NUMB: variants seen among roughly 807,000 people sequenced by gnomAD.
The protein encoded by NUMB is protein numb homolog.
NUMB carries 29 observed loss-of-function variants against 59.7 expected under a neutral mutation model. The ratio of observed to expected loss-of-function variants is 0.49; its 90% confidence interval spans 0.36 to 0.66. NUMB has a LOEUF of 0.66. NUMB is among the 30% of genes least tolerant of loss of function. The probability of loss-of-function intolerance (pLI) is 0.00; values close to 1 mark genes in which losing one functional copy is unlikely to be tolerated. For synonymous variants in NUMB, 288 were observed against 288.2 expected, an observed-to-expected ratio of 1.00 and a Z score of 0.01; for missense variants, 723 against 822.0, an observed-to-expected ratio of 0.88 and a Z score of 1.47.
At chr14:73,289,884 T>C (rs1889278107) in intron 8 of NUMB, among the ~76,000 whole-genome samples, 2 of 152,214 alleles carry the variant, frequency 1.3e-5, no homozygotes, top group Admixed American at 6.5e-5. Flanking sequence ...TTGCTTATTC[T>C]TTCTCCTAGG....
intron 1 of NUMB, among the ~76,000 whole-genome samples, chr14:73,456,419 T>C (rs1362568655): frequency 6.6e-6 from 1 of 152,206 alleles, no homozygotes; most frequent in Non-Finnish European, 1.5e-5. Flanking sequence ...TTTCAGACTT[T>C]TTTAACTGTA....
chr14:73,288,582 G>A (rs148730665), intron 8 of NUMB, among the ~76,000 whole-genome samples: 22 of 139,900 alleles, frequency 1.6e-4, no homozygotes, highest in African/African-American at 2.7e-4. Context: ...AATAAAGGCC[G>A]GGCACAGTGG....
At chr14:73,313,264 G>C (rs1270180935) in intron 6 of NUMB, among the ~76,000 whole-genome samples, 1 of 151,618 alleles carries the variant, frequency 6.6e-6, no homozygotes, top group Non-Finnish European at 1.5e-5. Context: ...GTGCTGGCTG[G>C]AGCCACCGCG....
chr14:73,450,774 G>T (rs1034564071), intron 1 of NUMB, among the ~76,000 whole-genome samples: 16 of 151,600 alleles, frequency 1.1e-4, no homozygotes, highest in Non-Finnish European at 1.9e-4. Context: ...GGAAGACAGA[G>T]CGAGACCCCA....
chr14:73,394,445 T>G (rs955286208), intron 2 of NUMB, among the ~76,000 whole-genome samples: 2 of 151,142 alleles, frequency 1.3e-5, no homozygotes, highest in African/African-American at 4.9e-5. Flanking sequence ...TGTCTCACTC[T>G]GTTGCCCAGG....
chr14:73,413,673 G>A (rs902443722), intron 1 of NUMB, among the ~76,000 whole-genome samples: 1 of 151,836 alleles, frequency 6.6e-6, no homozygotes, highest in South Asian at 2.1e-4. Flanking sequence ...CATAAGAATC[G>A]CTTGAACCCA....
chr14:73,436,671 A>T (rs1010279391), intron 1 of NUMB, among the ~76,000 whole-genome samples: 2 of 152,008 alleles, frequency 1.3e-5, no homozygotes, highest in Non-Finnish European at 2.9e-5. Context: ...ACAGGGTTTT[A>T]TTAAATGACA....
intron 6 of NUMB, among the ~76,000 whole-genome samples, chr14:73,313,272 G>A (rs559259266): frequency 1.3e-5 from 2 of 150,986 alleles, no homozygotes; most frequent in South Asian, 4.2e-4. Flanking sequence ...TGGAGCCACC[G>A]CGCCCAGCCA....
chr14:73,312,167 G>T (rs991991333), intron 6 of NUMB, among the ~76,000 whole-genome samples: 3 of 152,208 alleles, frequency 2.0e-5, no homozygotes, highest in Non-Finnish European at 4.4e-5. Context: ...GCCAAGGCAG[G>T]CTGATCACTT....
chr14:73,352,520 A>G (rs1413194841), intron 4 of NUMB, among the ~76,000 whole-genome samples: 8 of 13,420 alleles, frequency 6.0e-4, no homozygotes, highest in South Asian at 3.1e-3. Context: ...ATATATATAT[A>G]TATATATATG....
chr14:73,332,203 C>T (rs773168476), intron 4 of NUMB, among the ~76,000 whole-genome samples: 89 of 152,066 alleles, frequency 5.9e-4, no homozygotes, highest in Non-Finnish European at 1.5e-4. Context: ...AAGTCCAGTG[C>T]CTTCAAAATG....
At chr14:73,313,482 ATTAT>A (rs1232678321) in intron 6 of NUMB, among the ~76,000 whole-genome samples, 4 of 150,976 alleles carry the variant, frequency 2.6e-5, no homozygotes, top group East Asian at 1.9e-4. Flanking sequence ...CATGCACAAA[ATTAT>A]TTAATTATAC....
chr14:73,344,383 C>G (rs1184206155), intron 4 of NUMB, among the ~76,000 whole-genome samples: 1 of 152,114 alleles, frequency 6.6e-6, no homozygotes, highest in Admixed American at 6.6e-5. Flanking sequence ...TGGCTACACA[C>G]AAAATAAGAA....
intron 4 of NUMB, among the ~76,000 whole-genome samples, chr14:73,331,346 C>T (rs1891963730): frequency 6.6e-6 from 1 of 152,066 alleles, no homozygotes. Context: ...GAGATCAAGA[C>T]CATCCTGGCT....
intron 4 of NUMB, among the ~76,000 whole-genome samples, chr14:73,337,332 T>C (rs1429645638): frequency 6.6e-6 from 1 of 151,826 alleles, no homozygotes; most frequent in Non-Finnish European, 1.5e-5. Flanking sequence ...CAAAACCCAA[T>C]CTCTACTAAA....
intron 7 of NUMB, among the ~76,000 whole-genome samples, chr14:73,296,950 C>T (rs934900906): frequency 6.6e-6 from 1 of 152,104 alleles, no homozygotes; most frequent in Admixed American, 6.5e-5. Context: ...GGCGGATCAC[C>T]TGAGGTCAGG....
At chr14:73,452,627 T>C (rs1884068970) in intron 1 of NUMB, among the ~76,000 whole-genome samples, 1 of 152,174 alleles carries the variant, frequency 6.6e-6, no homozygotes, top group Non-Finnish European at 1.5e-5. Flanking sequence ...TAGCAACTCC[T>C]TGGTTAATGC....
intron 1 of NUMB, among the ~76,000 whole-genome samples, chr14:73,451,507 C>G (rs75514511): frequency 3.3e-5 from 5 of 151,084 alleles, no homozygotes; most frequent in African/African-American, 1.2e-4. Flanking sequence ...CCCAGCTACT[C>G]GGTAGCCTGA....
intron 8 of NUMB, 38 bp downstream of exon 8, chr14:73,292,696 A>C: frequency 6.2e-7 from 1 of 1,608,148 alleles, no homozygotes; most frequent in Non-Finnish European, 8.5e-7. Context: ...CAGCTAACTG[A>C]GAATACTCAT....
Sources: allele counts gnomAD v4.1 joint callset (sites outside exome capture counted in the v4.1 genomes callset), GRCh38; gene constraint gnomAD v4.1.1; transcripts MANE v1.5; gene names NCBI Gene and HGNC (gene_info 2026-07-23, HGNC 2026-07-21).